Variants in EPSTI1 observed in about 807,000 individuals in gnomAD.
EPSTI1 encodes epithelial stromal interaction 1, also known as epithelial-stromal interaction protein 1.
In EPSTI1, 66 loss-of-function variants were observed where a neutral mutation model predicts 49.9. That is an observed-to-expected ratio of 1.32 (90% CI 1.08 to 1.62). The LOEUF (loss-of-function observed/expected upper bound fraction) is 1.62, where lower values mean the gene tolerates loss of function less well. Ranked by LOEUF, EPSTI1 falls within the 40% of genes most tolerant of loss-of-function variation. The pLI, the probability that EPSTI1 is intolerant of heterozygous loss-of-function variation, is 0.00. For synonymous variants in EPSTI1, 137 were observed against 130.7 expected (o/e 1.05, Z -0.33); for missense variants, 394 against 365.5 (o/e 1.08, Z -0.64).
intron 1 of EPSTI1, among the ~76,000 whole-genome samples, chr13:42,973,036 T>C (rs73472111): frequency 1.2e-3 from 178 of 152,278 alleles, no homozygotes; most frequent in African/African-American, 3.9e-3. Context: ...GGATCTGAAA[T>C]AGCAAAAGTG....
At chr13:42,966,742 G>GGGT (rs1391935372) in intron 3 of EPSTI1, among the ~76,000 whole-genome samples, 1 of 89,674 alleles carries the variant, frequency 1.1e-5, no homozygotes, top group African/African-American at 3.4e-5. Context: ...GAGGTGAGGG[G>GGGT]CGCCTCCGCC....
chr13:42,978,191 A>G (rs2039918118), intron 1 of EPSTI1, among the ~76,000 whole-genome samples: 3 of 151,874 alleles, frequency 2.0e-5, no homozygotes, highest in Admixed American at 2.0e-4. Flanking sequence ...AAGGTTGAGG[A>G]CGCACCCATG....
chr13:42,937,300 A>G (rs2038598943), intron 6 of EPSTI1, among the ~76,000 whole-genome samples: 1 of 152,174 alleles, frequency 6.6e-6, no homozygotes, highest in African/African-American at 2.4e-5. Flanking sequence ...TAACCTGCTG[A>G]CTAATCAGGG....
At chr13:42,963,461 A>G (rs2039518382) in intron 4 of EPSTI1, 123 bp from the exon 5 acceptor site, 2 of 707,122 alleles carry the variant, frequency 2.8e-6, no homozygotes, top group Non-Finnish European at 4.6e-6. Context: ...CACCATGATT[A>G]TAGGTTGTTA....
At chr13:42,951,447 A>T (rs1346971105) in intron 6 of EPSTI1, among the ~76,000 whole-genome samples, 1 of 152,238 alleles carries the variant, frequency 6.6e-6, no homozygotes, top group Non-Finnish European at 1.5e-5. Flanking sequence ...ATTTTAGCCA[A>T]ACTCTGTTTT....
intron 1 of EPSTI1, among the ~76,000 whole-genome samples, chr13:42,983,479 G>A (rs748481410): frequency 1.9e-4 from 28 of 147,266 alleles, no homozygotes; most frequent in Admixed American, 7.0e-4. Flanking sequence ...CAGGGGAATC[G>A]CTTGAAGCCA....
intron 1 of EPSTI1, among the ~76,000 whole-genome samples, chr13:42,983,820 A>G (rs909941110): frequency 3.3e-5 from 5 of 152,170 alleles, no homozygotes; most frequent in Admixed American, 3.3e-4. Context: ...TGTACCTGAC[A>G]TACTTAACAC....
At chr13:42,983,125 CT>C (rs879568649) in intron 1 of EPSTI1, among the ~76,000 whole-genome samples, 1 of 152,106 alleles carries the variant, frequency 6.6e-6, no homozygotes, top group African/African-American at 2.4e-5. Context: ...GTTAATCTGT[CT>C]TTTTTTATAG....
intron 1 of EPSTI1, among the ~76,000 whole-genome samples, chr13:42,973,805 C>T (rs563880023): frequency 6.6e-5 from 10 of 152,270 alleles, no homozygotes; most frequent in African/African-American, 2.4e-4. Flanking sequence ...ACCAACATTT[C>T]GCATTCTTGT....
chr13:42,983,853 A>G (rs545798560), intron 1 of EPSTI1, among the ~76,000 whole-genome samples: 1 of 152,318 alleles, frequency 6.6e-6, no homozygotes, highest in African/African-American at 2.4e-5. Context: ...ATGGCTAATC[A>G]TGGAAAACAC....
intron 5 of EPSTI1, among the ~76,000 whole-genome samples, chr13:42,962,838 T>C (rs2153431086): frequency 6.6e-6 from 1 of 152,260 alleles, no homozygotes; most frequent in East Asian, 1.9e-4. Context: ...CGTACATTAT[T>C]GACCCATGAA....
intron 1 of EPSTI1, among the ~76,000 whole-genome samples, chr13:42,978,079 G>A (rs1026021386): frequency 6.6e-6 from 1 of 152,228 alleles, no homozygotes; most frequent in Admixed American, 6.5e-5. Flanking sequence ...CGTGAACCCG[G>A]GAGGCGGAGC....
intron 6 of EPSTI1, among the ~76,000 whole-genome samples, chr13:42,951,972 G>C (rs1380813027): frequency 2.0e-5 from 3 of 152,170 alleles, no homozygotes; most frequent in Non-Finnish European, 4.4e-5. Flanking sequence ...GCACTCCGTA[G>C]CTAGGATTGT....
chr13:42,936,478 A>G (rs2038568382), intron 6 of EPSTI1, among the ~76,000 whole-genome samples: 2 of 152,222 alleles, frequency 1.3e-5, no homozygotes, highest in African/African-American at 4.8e-5. Flanking sequence ...CAACACTAGT[A>G]AGGAATTGAC....
chr13:42,911,996 T>A lies in EPSTI1; in HGVS notation c.741+5545A>T, dbSNP rs188572648. Among the ~76,000 whole-genome samples, 4 of 152,330 alleles carry A rather than the reference T, an allele frequency of 2.6e-5. No homozygotes were observed. In the East Asian group the frequency reaches 7.7e-4, roughly 29 times the overall value. On this transcript the variant is annotated intron_variant, in intron 8 of 10. Transcript: ENST00000313624. ...TTTTGTATGTGTTCTATAATAATAA[T>A]TTTCTCTGTCACCCAATAGTTTATT...
intron 10 of EPSTI1, among the ~76,000 whole-genome samples, chr13:42,891,520 T>C (rs1452248518): frequency 6.6e-6 from 1 of 152,194 alleles, no homozygotes; most frequent in African/African-American, 2.4e-5. Context: ...TGATAAGAAA[T>C]GGCATTTTGG....
intron 1 of EPSTI1, among the ~76,000 whole-genome samples, chr13:42,976,062 T>C (rs2039876045): frequency 6.6e-6 from 1 of 152,230 alleles, no homozygotes; most frequent in Admixed American, 6.5e-5. Flanking sequence ...TGGATTCCAC[T>C]TACAAGCTAA....
chr13:42,894,065 A>G (rs2037117773), intron 10 of EPSTI1, among the ~76,000 whole-genome samples: 1 of 152,246 alleles, frequency 6.6e-6, no homozygotes, highest in South Asian at 2.1e-4. Flanking sequence ...CTGTTCAATT[A>G]TCTTAAATAT....
chr13:42,970,622 C>G lies in EPSTI1; in HGVS notation c.237G>C (p.Glu79Asp). ...AATGACTATACATACTTCTTTGTAT[C>G]TCATTTCTCCGGTTTATATTTGGTG... is the stretch of plus-strand genomic sequence containing the variant. ...LIAPNINRRN[E>D]IQRIAEQELA... The change falls in exon 2 of 11, where the codon GAG (glutamate) becomes GAC (aspartate). Residue 79 changes from glutamate (E) to aspartate (D), a missense_variant. Glu to Asp is a conservative substitution (Grantham distance 45, BLOSUM62 2). Coordinates refer to ENST00000313624, the MANE Select transcript of EPSTI1 (RefSeq NM_033255.5). 1 of 1,609,682 alleles carries G rather than the reference C, an allele frequency of 6.2e-7. No homozygotes were observed. Among genetic ancestry groups the G allele is most frequent in the Non-Finnish European group, 8.5e-7 (1 of 1,178,424 alleles).
Sources: gnomAD v4.1 joint callset for allele counts (sites outside exome capture counted in the v4.1 genomes callset) on GRCh38, gnomAD v4.1.1 for gene constraint, MANE v1.5 for transcripts, NCBI Gene and HGNC (gene_info 2026-07-23, HGNC 2026-07-21) for gene names.